BNIP5: variants seen among roughly 807,000 people sequenced by gnomAD.
The protein encoded by BNIP5 is BCL2 interacting protein 5, also known as protein BNIP5.
A neutral mutation model predicts 67.3 loss-of-function variants in BNIP5; 61 were observed. The observed-to-expected ratio is 0.91, with a 90% CI of 0.74 to 1.12. The LOEUF is 1.12. Ranked by LOEUF, BNIP5 falls within the 50% of genes most tolerant of loss-of-function variation. BNIP5 has a pLI of 0.00. For synonymous variants in BNIP5, 317 were observed against 319.0 expected (o/e 0.99, Z 0.07); for missense variants, 826 against 816.3 (o/e 1.01, Z -0.14).
In BNIP5 at chr6:36,320,493, G is replaced by A. The variant is rs140391356; in HGVS notation, c.1668+662C>T. The stretch of plus-strand genomic sequence containing the variant: ...CACATGAGTTGCAAAATGGCCCTGG[G>A]TCCTCAGGCACAAGGAGGCAGGTGC... On this transcript the variant is annotated intron_variant, in intron 10 of 11. Transcript: ENST00000437635. Among the ~76,000 whole-genome samples the A allele has an allele frequency of 9.5e-4, 145 of 152,344 alleles. 1 individual carries two copies. Among genetic ancestry groups the A allele is most frequent in the African/African-American group, 3.4e-3 (141 of 41,578 alleles).
intron 1 of BNIP5, among the ~76,000 whole-genome samples, chr6:36,332,761 A>G (rs1771935641): frequency 6.6e-6 from 1 of 152,006 alleles, no homozygotes; most frequent in Middle Eastern, 3.4e-3. Context: ...TGGGCAGTGC[A>G]TTTGATTTGT....
At chr6:36,323,875 C>T (rs1771693727) in intron 7 of BNIP5, among the ~76,000 whole-genome samples, 1 of 152,014 alleles carries the variant, frequency 6.6e-6, no homozygotes, top group Non-Finnish European at 1.5e-5. Flanking sequence ...TGGCGCATGC[C>T]TGTAGTCCCA....
At chr6:36,322,794 AC>A (rs1219339698) in intron 8 of BNIP5, among the ~76,000 whole-genome samples, 2 of 152,074 alleles carry the variant, frequency 1.3e-5, no homozygotes, top group Non-Finnish European at 2.9e-5. Context: ...GATAAGATTG[AC>A]CTCACAGGGT....
chr6:36,323,803 C>T (rs2127365124), intron 7 of BNIP5, among the ~76,000 whole-genome samples: 1 of 152,132 alleles, frequency 6.6e-6, no homozygotes, highest in East Asian at 1.9e-4. Context: ...AGTTCGAGAC[C>T]AGCCTGGCCA....
At chr6:36,332,517 C>G (rs989875779) in intron 1 of BNIP5, among the ~76,000 whole-genome samples, 46 of 152,290 alleles carry the variant, frequency 3.0e-4, no homozygotes, top group African/African-American at 8.2e-4. Flanking sequence ...ATCACTGCCA[C>G]TCAATAAGCA....
At chr6:36,329,230 G>T (rs1228155362) in intron 2 of BNIP5, among the ~76,000 whole-genome samples, 1 of 152,230 alleles carries the variant, frequency 6.6e-6, no homozygotes, top group East Asian at 1.9e-4. Context: ...TGGGGTGGGA[G>T]CAGGGCTTTG....
At chr6:36,317,484 A>C (rs1582118915) in intron 11 of BNIP5, 93 bp from the exon 12 acceptor site, 1 of 1,073,470 alleles carries the variant, frequency 9.3e-7, no homozygotes, top group East Asian at 2.4e-5. Flanking sequence ...TCCCATTGAC[A>C]CCCCACCCCA....
intron 8 of BNIP5, 82 bp from the exon 9 acceptor site, chr6:36,322,524 A>G: frequency 6.8e-7 from 1 of 1,463,898 alleles, no homozygotes; most frequent in South Asian, 1.3e-5. Flanking sequence ...AGGCACAGGC[A>G]TAAGCAGGGG....
chr6:36,328,356 G>A (rs1198576932), intron 3 of BNIP5, among the ~76,000 whole-genome samples: 5 of 152,166 alleles, frequency 3.3e-5, no homozygotes, highest in Non-Finnish European at 5.9e-5. Context: ...GAAAAGTTCC[G>A]TTTTCATTAA....
intron 5 of BNIP5, among the ~76,000 whole-genome samples, chr6:36,325,821 C>T (rs1360047000): frequency 6.6e-6 from 1 of 152,198 alleles, no homozygotes; most frequent in African/African-American, 2.4e-5. Context: ...TGTAAATTCT[C>T]CTGGCCAGGA....
intron 9 of BNIP5, 40 bp downstream of exon 9, chr6:36,322,271 C>G (rs1267881972): frequency 6.2e-7 from 1 of 1,612,712 alleles, no homozygotes; most frequent in Non-Finnish European, 8.5e-7. Flanking sequence ...AAGAGAAGCA[C>G]CCGGGAAGCT....
chr6:36,322,482 C>G, intron 8 of BNIP5, 40 bp from the exon 9 acceptor site: 1 of 1,589,946 alleles, frequency 6.3e-7, no homozygotes, highest in African/African-American at 1.3e-5. Context: ...TTGCAGAGAG[C>G]TGAATCTAGT....
rs1362746669 is a variant in BNIP5, at chr6:36,330,287, G to A, written c.404C>T (p.Pro135Leu). Reference sequence around the variant, plus strand: ...GGCTGGCTCCCCTGCTGCTTCCAGGGGCTCCGGATGCTGGGAGATACCCTC... The same window carrying A: ...GGCTGGCTCCCCTGCTGCTTCCAGGAGCTCCGGATGCTGGGAGATACCCTC... ...GKEGISQHPE[P>L]LEAAGEPALR... Residue 135 changes from proline to leucine, a missense_variant, in exon 2 of 12, where the codon CCC (proline) becomes CTC (leucine). Physicochemically the swap from Pro to Leu is moderately conservative, Grantham distance 98 (BLOSUM62 -3). Transcript: ENST00000437635. The A allele has an allele frequency of 1.9e-6, 3 of 1,614,036 alleles. No homozygotes were observed. Among genetic ancestry groups the A allele is most frequent in the African/African-American group, 1.3e-5 (1 of 74,916 alleles).
At chr6:36,329,705 G>A (rs941238922) in intron 2 of BNIP5, among the ~76,000 whole-genome samples, 4 of 152,034 alleles carry the variant, frequency 2.6e-5, no homozygotes, top group South Asian at 4.1e-4. Context: ...CCAGCTACTC[G>A]GAAGGCTGAG....
intron 6 of BNIP5, 40 bp from the exon 7 acceptor site, chr6:36,324,230 G>A (rs7751928): frequency 0.15 from 236,071 of 1,560,584 alleles, 23,657 homozygotes; most frequent in East Asian, 0.44. Flanking sequence ...TTGGTGCTAC[G>A]AAATCTCTTC....
Position 36,330,393 on chromosome 6 carries a change from G to A in BNIP5, c.298C>T (p.Leu100=). The A allele has an allele frequency of 2.5e-6, 4 of 1,614,142 alleles. No homozygotes were observed. The highest frequency in any genetic ancestry group is 3.4e-6 in the Non-Finnish European group (4 of 1,180,026). Residue 100 remains leucine, a synonymous_variant, in exon 2 of 12, where the codon CTG becomes TTG. Transcript: ENST00000437635. ...ACGAAGAAGTTCAGCATGGTCTTCA[G>A]CCACCCCTTCTTGGTGTCTTGCGAA... ...RPSQDTKKGW[L]KTMLNFFVRT... is the part of the protein sequence containing the mutation.
At chr6:36,322,831 T>C (rs1771666569) in intron 8 of BNIP5, among the ~76,000 whole-genome samples, 1 of 152,196 alleles carries the variant, frequency 6.6e-6, no homozygotes, top group African/African-American at 2.4e-5. Context: ...TGAGATAATA[T>C]GTGTGAAACT....
intron 3 of BNIP5, among the ~76,000 whole-genome samples, chr6:36,327,588 A>G (rs1271735351): frequency 6.6e-6 from 1 of 152,200 alleles, no homozygotes; most frequent in Non-Finnish European, 1.5e-5. Flanking sequence ...TACCTGGGCT[A>G]ACTAAGGTGG....
intron 6 of BNIP5, 79 bp downstream of exon 6, chr6:36,325,204 C>T: frequency 2.0e-6 from 3 of 1,490,176 alleles, no homozygotes; most frequent in South Asian, 2.3e-5. Context: ...CTCTCTCTGG[C>T]TCAGTGTCTC....
Sources: gnomAD v4.1 joint callset for allele counts (sites outside exome capture counted in the v4.1 genomes callset) on GRCh38, gnomAD v4.1.1 for gene constraint, MANE v1.5 for transcripts, NCBI Gene and HGNC (gene_info 2026-07-23, HGNC 2026-07-21) for gene names.